The following NDRG4 variants were observed in gnomAD, a reference collection of about 807,000 sequenced individuals.
NDRG4 encodes the protein protein NDRG4.
A neutral mutation model predicts 55.8 loss-of-function variants in NDRG4; 38 were observed. The observed-to-expected ratio is 0.68, with a 90% confidence interval of 0.53 to 0.89. NDRG4 has a LOEUF of 0.89. NDRG4 is among the 40% of genes least tolerant of loss of function. The pLI is 0.00. For synonymous variants in NDRG4, 190 were observed against 182.7 expected, an observed-to-expected ratio of 1.04 and a Z score of -0.32; for missense variants, 455 against 468.6, an observed-to-expected ratio of 0.97 and a Z score of 0.27.
Position 58,464,448 on chromosome 16 carries a change from C to A in NDRG4, c.-24+651C>A. ...GCGCCGAGATGAAGGTGCTGGGACA[C>A]CGGCTGGAGCTGCTCACAGGTACCG... is the stretch of plus-strand genomic sequence containing the variant. On this transcript the variant is annotated intron_variant, in intron 1 of 15. Coordinates refer to the NDRG4 transcript ENST00000258187. This position sits in a 1 kb window ranked among gnomAD's most constrained non-coding sequence, Gnocchi z 4.8. 1 of 1,349,478 alleles carries A rather than the reference C, an allele frequency of 7.4e-7. No homozygotes were observed. The highest frequency in any genetic ancestry group is 9.5e-7 in the Non-Finnish European group (1 of 1,051,684). 83.6% of individuals were successfully genotyped at this position (1,349,478 alleles called of 1,614,324 possible). A position where few individuals can be genotyped will look rare whatever the true frequency, so the allele number is the denominator to read the frequency against.
upstream of NDRG4, chr16:58,500,098 T>C: frequency 6.6e-7 from 1 of 1,516,472 alleles, no homozygotes; most frequent in East Asian, 2.5e-5. Context: ...CTAGCTAGGC[T>C]GGGCCAGGAT....
Position 58,504,268 on chromosome 16 carries a change from C to G in NDRG4, c.242C>G (p.Pro81Arg). 3 of 1,614,142 alleles carry G rather than the reference C, an allele frequency of 1.9e-6. No homozygotes were observed. The highest frequency in any genetic ancestry group is 1.7e-6 in the Non-Finnish European group (2 of 1,180,016). ...CAACAGGTGGGGGCGTCGCAGTTTC[C>G]TCAGGGGTAGGTACCCTGAGCCCCC... ...PGQQVGASQF[P>R]QGYQFPSMEQ... is the part of the protein sequence containing the mutation. The change falls in exon 3 of 15, where the codon CCT becomes CGT. Residue 81 changes from proline to arginine, a missense_variant. Coordinates refer to ENST00000570248, the MANE Select transcript of NDRG4 (RefSeq NM_001242835.2).
chr16:58,482,589 C>T (rs1004149418), intron 1 of NDRG4, among the ~76,000 whole-genome samples: 4 of 152,112 alleles, frequency 2.6e-5, no homozygotes. Context: ...CACCCAAATT[C>T]TCCGATGTAT....
rs749098534 is a variant in NDRG4, at chr16:58,511,604, C to T, written c.*28C>T. On this transcript the variant is annotated 3_prime_UTR_variant, in exon 15 of 15. Coordinates refer to ENST00000570248, the MANE Select transcript of NDRG4 (RefSeq NM_001242835.2). ...CCCTTGATCCCGCTGACGACGCCCACGTCGAGGCCCCACCGCCATCCTTGC... is the reference window on the plus strand; with the variant it reads ...CCCTTGATCCCGCTGACGACGCCCATGTCGAGGCCCCACCGCCATCCTTGC... The T allele has an allele frequency of 1.4e-5, 22 of 1,612,754 alleles. No individual in the cohort carries two copies. Among genetic ancestry groups the T allele is most frequent in the East Asian group, 1.1e-4 (5 of 44,880 alleles).
At chr16:58,482,932 C>T (rs1030271914) in intron 1 of NDRG4, among the ~76,000 whole-genome samples, 1 of 152,076 alleles carries the variant, frequency 6.6e-6, no homozygotes, top group African/African-American at 2.4e-5. Flanking sequence ...CAGGCACCCG[C>T]CATCACGTGA....
At chr16:58,465,205 A>C in intron 1 of NDRG4, 2 of 856,838 alleles carry the variant, frequency 2.3e-6, no homozygotes, top group Non-Finnish European at 3.4e-6. Flanking sequence ...TAGGTGCTCC[A>C]TCCGTGTATG....
chr16:58,473,725 C>T (rs1227502324), intron 1 of NDRG4, among the ~76,000 whole-genome samples: 1 of 152,150 alleles, frequency 6.6e-6, no homozygotes, highest in Non-Finnish European at 1.5e-5. Flanking sequence ...CTCCTGCACT[C>T]CCGCTGTGTG....
intron 1 of NDRG4, among the ~76,000 whole-genome samples, chr16:58,476,955 A>G (rs1002545175): frequency 1.3e-5 from 2 of 152,130 alleles, no homozygotes; most frequent in Non-Finnish European, 2.9e-5. Flanking sequence ...ACTACTTTAT[A>G]TGTATCCCAG....
At position 58,464,523 on chromosome 16, in the gene NDRG4, GGGCGCGGCGGCCGGGGACT is replaced by G. The variant is rs1268351793; in HGVS notation, c.-24+729_-24+747del. 7.5e-5 allele frequency: 96 copies of G among 1,287,854 alleles called. No homozygotes were observed. The highest frequency in any genetic ancestry group is 9.2e-5 in the Non-Finnish European group (93 of 1,013,922). The allele number at this position is 1,287,854 out of a possible 1,614,324, so 79.8% of individuals were successfully genotyped here. ...CACTTTCCGAGTTGGAGCGGACTCCGGGCGCGGCGGCCGGGGACTGGGGCGGCTCGGGTCTGAGCAGGAA... is the reference window on the plus strand; with the variant it reads ...CACTTTCCGAGTTGGAGCGGACTCCGGGGGCGGCTCGGGTCTGAGCAGGAA... On this transcript the variant is annotated intron_variant, in intron 1 of 15. Coordinates refer to the NDRG4 transcript ENST00000258187. The surrounding 1 kb of genome is among the most constrained non-coding windows in gnomAD (Gnocchi z 4.8).
chr16:58,506,619 G>T lies in NDRG4; in HGVS notation c.516+5G>T, dbSNP rs768756934. ...CTCTCCCACCTCTTCAGCCAGGTAA[G>T]GGGGGGAACTTCTGCAGATCTGGGG... On this transcript the variant is annotated splice_donor_5th_base_variant and intron_variant, in intron 7 of 14. Transcript: ENST00000570248. 20 of 1,551,016 alleles carry T rather than the reference G, an allele frequency of 1.3e-5. No homozygotes were observed. The highest frequency in any genetic ancestry group is 2.1e-5 in the Admixed American group (1 of 48,556).
At chr16:58,495,782 G>A (rs544867069), upstream of NDRG4, among the ~76,000 whole-genome samples, 5 of 152,310 alleles carry the variant, frequency 3.3e-5, no homozygotes, top group South Asian at 8.3e-4. Context: ...AGGACGAGAG[G>A]GGAGACTTCA....
rs79246595 is a variant in NDRG4 at position 58,511,866 on chromosome 16, C to T, written c.*290C>T. 7.9e-3 allele frequency: 3,769 copies of T among 477,296 alleles called. 127 individuals are homozygous for T. Among genetic ancestry groups the T allele is most frequent in the African/African-American group, 0.066 (3,410 of 51,338 alleles). The allele number at this position is 477,296 out of a possible 1,614,324, so 29.6% of individuals were successfully genotyped here. ...GGGCAGGGCCATAGGGAGGGAGATT[C>T]GCTACGGATCCAGGCCATTCCTGGG... On this transcript the variant is annotated 3_prime_UTR_variant, in exon 15 of 15. Transcript: ENST00000570248.
chr16:58,475,874 G>A (rs192441587), intron 1 of NDRG4, among the ~76,000 whole-genome samples: 76 of 152,020 alleles, frequency 5.0e-4, no homozygotes, highest in Non-Finnish European at 9.4e-4. Flanking sequence ...TTGGCACACT[G>A]CAACTTCTGC....
chr16:58,471,186 CTTTTTTTTTTTTTT>C (rs528375397), intron 1 of NDRG4, among the ~76,000 whole-genome samples: 14 of 67,078 alleles, frequency 2.1e-4, no homozygotes, highest in South Asian at 9.6e-4. Context: ...ATGTGTGTTG[CTTTTTTTTTTTTTT>C]TTTTTTTTTT....
At chr16:58,480,906 G>T (rs1567578033) in intron 1 of NDRG4, among the ~76,000 whole-genome samples, 1 of 152,082 alleles carries the variant, frequency 6.6e-6, no homozygotes. Flanking sequence ...TATGTTGGGA[G>T]GCTGAGGCAC....
At chr16:58,470,416 G>T (rs1054300448) in intron 1 of NDRG4, among the ~76,000 whole-genome samples, 3 of 152,180 alleles carry the variant, frequency 2.0e-5, no homozygotes, top group African/African-American at 7.2e-5. Flanking sequence ...TAGAGGCAAA[G>T]GTGGAGCCAT....
At chr16:58,510,620 T>C (rs952896874) in intron 13 of NDRG4, 25 bp from the exon 14 acceptor site, 2 of 1,513,034 alleles carry the variant, frequency 1.3e-6, no homozygotes, top group Admixed American at 3.9e-5. Context: ...CCCCGCCCCC[T>C]CTCCGGCTCT....
rs2039003889 is a variant in NDRG4 at position 58,513,442 on chromosome 16, C to T, written c.*1866C>T. 6.6e-6 allele frequency: 1 copy of T among 152,188 alleles called. No individual in the cohort carries two copies. Among genetic ancestry groups the T allele is most frequent in the Admixed American group, 6.5e-5 (1 of 15,280 alleles). The allele number at this position is 152,188 out of a possible 1,614,324, so 9.4% of individuals were successfully genotyped here. On this transcript the variant is annotated 3_prime_UTR_variant, in exon 15 of 15. Transcript: ENST00000570248. ...TCCAGTGTGGTGATGCCATGCCCAT[C>T]ATGGGAGGCTTTTGGAGAAACAGAA...
chr16:58,506,327 T>C (rs2151823079), intron 5 of NDRG4, 60 bp from the exon 6 acceptor site: 1 of 1,506,438 alleles, frequency 6.6e-7, no homozygotes, highest in Middle Eastern at 1.7e-4. Context: ...CTTTACAGAG[T>C]GTTTCTGCCA....
Sources: gnomAD v4.1 joint callset for allele counts (sites outside exome capture counted in the v4.1 genomes callset) on GRCh38, gnomAD v4.1.1 for gene constraint, Gnocchi (gnomAD v3.1) non-coding constraint, MANE v1.5 for transcripts, NCBI Gene and HGNC (gene_info 2026-07-23, HGNC 2026-07-21) for gene names.